ZNF32: variants seen among roughly 807,000 people sequenced by gnomAD.
The protein encoded by ZNF32 is zinc finger protein 32.
In ZNF32, 13 loss-of-function variants were observed where a neutral mutation model predicts 24.4. The ratio of observed to expected loss-of-function variants is 0.53; its 90% CI spans 0.35 to 0.85. ZNF32 has a LOEUF of 0.85. ZNF32 is among the 40% of genes least tolerant of loss of function. ZNF32 has a pLI of 0.01. For missense variants in ZNF32, 239 were observed against 325.3 expected (o/e 0.73, Z 2.04); for synonymous variants, 115 against 117.4 (o/e 0.98, Z 0.13).
chr10:43,644,922 A>G lies in ZNF32; in HGVS notation c.71-121T>C. The G allele has an allele frequency of 8.8e-7, 1 of 1,130,614 alleles. No homozygotes were observed. The highest frequency in any genetic ancestry group is 2.6e-5 in the East Asian group (1 of 39,144). 70.0% of individuals were successfully genotyped at this position (1,130,614 alleles called of 1,614,324 possible). On this transcript the variant is annotated intron_variant, in intron 2 of 2. Coordinates refer to ENST00000374433, the MANE Select transcript of ZNF32 (RefSeq NM_006973.3). This position sits in a 1 kb window ranked among gnomAD's most constrained non-coding sequence, Gnocchi z 5.3. ...CCAGGCCTTATTCTTTGCATAGACAATGCAATCCTGAAAACAATGCCATGA... is the reference window on the plus strand; with the variant it reads ...CCAGGCCTTATTCTTTGCATAGACAGTGCAATCCTGAAAACAATGCCATGA...
intron 2 of ZNF32, 40 bp downstream of exon 2, chr10:43,646,024 T>A (rs762898318): frequency 1.9e-6 from 3 of 1,612,966 alleles, no homozygotes; most frequent in Non-Finnish European, 2.5e-6. Context: ...ACTGAATATC[T>A]GTGAGCTGAG....
At position 43,644,418 on chromosome 10, in the gene ZNF32, C is replaced by T. The variant is rs186177471; in HGVS notation, c.454G>A (p.Glu152Lys). Residue 152 changes from glutamate (E) to lysine (K), a missense_variant, in exon 3 of 3, where the codon GAG becomes AAG. Glu to Lys is a moderately conservative substitution (Grantham distance 56). Coordinates refer to ENST00000374433, the MANE Select transcript of ZNF32 (RefSeq NM_006973.3). The surrounding 1 kb of genome is among the most constrained non-coding windows in gnomAD (Gnocchi z 5.3). ...GGTTTCTGTCCAGTGTGGAGTCTCT[C>T]GTGGACAGCGAGACTACCTCGTTGA... ...FSQRGSLAVH[E>K]RLHTGQKPYE... 78 of 1,614,026 alleles carry T rather than the reference C, an allele frequency of 4.8e-5. No individual in the cohort carries two copies. The highest frequency in any genetic ancestry group is 6.1e-5 in the Non-Finnish European group (72 of 1,179,908).
intron 1 of ZNF32, chr10:43,647,619 A>AG (rs1839350312): frequency 6.6e-6 from 1 of 152,224 alleles, no homozygotes; most frequent in Admixed American, 6.5e-5. Flanking sequence ...TGTGATGACC[A>AG]GGAGAATCAT....
In ZNF32 at chr10:43,644,951, T is replaced by A; in HGVS notation, c.71-150A>T. The A allele has an allele frequency of 1.1e-6, 1 of 921,620 alleles. No homozygotes were observed. The highest frequency in any genetic ancestry group is 1.8e-5 in the South Asian group (1 of 54,890). 57.1% of individuals were successfully genotyped at this position (921,620 alleles called of 1,614,324 possible). On this transcript the variant is annotated intron_variant, in intron 2 of 2. Transcript: ENST00000374433. The surrounding 1 kb of genome is among the most constrained non-coding windows in gnomAD (Gnocchi z 5.3). ...AATCCTGAAAACAATGCCATGAGAG[T>A]GATACAGATAATGGGAGCAAAGGGA...
In ZNF32 at chr10:43,643,932, C is replaced by T. The variant is rs931803485; in HGVS notation, c.*118G>A. On this transcript the variant is annotated 3_prime_UTR_variant, in exon 3 of 3. Transcript: ENST00000374433. ...AAAGGAAAAAAATCAGTTTGCCCTACCCAATGATGGTCTTTCTGAAAGATT... is the reference window on the plus strand; with the variant it reads ...AAAGGAAAAAAATCAGTTTGCCCTATCCAATGATGGTCTTTCTGAAAGATT... 4 of 1,164,208 alleles carry T rather than the reference C, an allele frequency of 3.4e-6. No homozygotes were observed. Among genetic ancestry groups the T allele is most frequent in the South Asian group, 1.7e-5 (1 of 59,092 alleles). The allele number at this position is 1,164,208 out of a possible 1,614,324, so 72.1% of individuals were successfully genotyped here.
chr10:43,646,065 G>A lies in ZNF32; in HGVS notation c.69C>T (p.Phe23=), dbSNP rs1839275991. ...CCAGCCATCAACTGACTCACTCACTGAAGAACGCTACATTCTGGGCATATC... is the reference window on the plus strand; with the variant it reads ...CCAGCCATCAACTGACTCACTCACTAAAGAACGCTACATTCTGGGCATATC... ...HGRYAQNVAF[F]NVMTEAHHKY... Residue 23 remains phenylalanine (F), a splice_region_variant and synonymous_variant, in exon 2 of 3, where the codon TTC becomes TTT. Coordinates refer to ENST00000374433, the MANE Select transcript of ZNF32 (RefSeq NM_006973.3). The A allele has an allele frequency of 3.1e-6, 5 of 1,614,096 alleles. No homozygotes were observed. Among genetic ancestry groups the A allele is most frequent in the Non-Finnish European group, 4.2e-6 (5 of 1,179,998 alleles).
In ZNF32 at chr10:43,646,185, T is replaced by C; in HGVS notation, c.-52A>G. On this transcript the variant is annotated 5_prime_UTR_variant, in exon 2 of 3. It removes an upstream start codon present in the reference 5' UTR. Coordinates refer to ENST00000374433, the MANE Select transcript of ZNF32 (RefSeq NM_006973.3). Reference sequence around the variant, plus strand: ...ACCACCTCTTCATATGATTCTTCCATGGGCTGTTCCTGAGCACCTGAGGGA... The same window carrying C: ...ACCACCTCTTCATATGATTCTTCCACGGGCTGTTCCTGAGCACCTGAGGGA... The C allele has an allele frequency of 6.2e-7, 1 of 1,606,548 alleles. No individual in the cohort carries two copies. The highest frequency in any genetic ancestry group is 1.1e-5 in the South Asian group (1 of 90,280).
chr10:43,645,575 TC>T (rs1839259709), intron 2 of ZNF32, among the ~76,000 whole-genome samples: 1 of 152,250 alleles, frequency 6.6e-6, no homozygotes, highest in South Asian at 2.1e-4. Flanking sequence ...AAGGAATTTT[TC>T]CCATTAAAAT....
At chr10:43,648,292 C>A (rs1839388596) in intron 1 of ZNF32, among the ~76,000 whole-genome samples, 1 of 152,210 alleles carries the variant, frequency 6.6e-6, no homozygotes, top group South Asian at 2.1e-4. Flanking sequence ...GTACACTTGG[C>A]GGTCTGGAAA....
In ZNF32 at chr10:43,644,047, T is replaced by C. The variant is rs368553994; in HGVS notation, c.*3A>G. On this transcript the variant is annotated 3_prime_UTR_variant, in exon 3 of 3. Transcript: ENST00000374433. This position sits in a 1 kb window ranked among gnomAD's most constrained non-coding sequence, Gnocchi z 5.3. Reference sequence around the variant, plus strand: ...TAAAGAGAACTTCTCTTCAGGAAAGTGGTCAAAGGGTGAGCCTCTGTGAGC... The same window carrying C: ...TAAAGAGAACTTCTCTTCAGGAAAGCGGTCAAAGGGTGAGCCTCTGTGAGC... The C allele has an allele frequency of 1.9e-6, 3 of 1,601,954 alleles. No individual in the cohort carries two copies. The highest frequency in any genetic ancestry group is 1.7e-6 in the Non-Finnish European group (2 of 1,175,074).
chr10:43,643,994 T>C lies in ZNF32; in HGVS notation c.*56A>G. On this transcript the variant is annotated 3_prime_UTR_variant, in exon 3 of 3. Transcript: ENST00000374433. Reference sequence around the variant, plus strand: ...CCATAGAACTGGATAGGTTGCTTCATCTCAGAGGATTTTGTACTCTTAATT... The same window carrying C: ...CCATAGAACTGGATAGGTTGCTTCACCTCAGAGGATTTTGTACTCTTAATT... The C allele has an allele frequency of 6.5e-7, 1 of 1,528,706 alleles. No homozygotes were observed. The highest frequency in any genetic ancestry group is 1.3e-5 in the South Asian group (1 of 76,158). The allele number at this position is 1,528,706 out of a possible 1,614,324, so 94.7% of individuals were successfully genotyped here.
chr10:43,645,681 G>A (rs138626616), intron 2 of ZNF32, among the ~76,000 whole-genome samples: 8 of 150,444 alleles, frequency 5.3e-5, no homozygotes, highest in African/African-American at 1.7e-4. Context: ...TTTTTTTTCC[G>A]AATACTGCCC....
At chr10:43,646,239 G>A in intron 1 of ZNF32, 37 bp from the exon 2 acceptor site, 2 of 1,281,410 alleles carry the variant, frequency 1.6e-6, no homozygotes, top group East Asian at 2.5e-5. Flanking sequence ...AACAGGAAAG[G>A]GCAGAATAAT....
chr10:43,644,670 C>T lies in ZNF32; in HGVS notation c.202G>A (p.Asp68Asn). Residue 68 changes from aspartate (D) to asparagine (N), a missense_variant, in exon 3 of 3, where the codon GAT becomes AAT. Physicochemically the swap from Asp to Asn is conservative, Grantham distance 23. Transcript: ENST00000374433. The surrounding 1 kb of genome is among the most constrained non-coding windows in gnomAD (Gnocchi z 5.3). ...KSPDSKTLQE[D>N]SPGVRQRVYE... ...ACCCTTTGTCTCACTCCAGGTGAAT[C>T]TTCCTGTAGTGTCTTCGAATCTGGG... 2 of 1,614,178 alleles carry T rather than the reference C, an allele frequency of 1.2e-6. No individual in the cohort carries two copies. The highest frequency in any genetic ancestry group is 2.2e-5 in the South Asian group (2 of 91,074).
intron 1 of ZNF32, chr10:43,646,976 T>C (rs1365301147): frequency 6.6e-6 from 1 of 152,234 alleles, no homozygotes; most frequent in Non-Finnish European, 1.5e-5. Context: ...AGAATGCTTA[T>C]AAAATTGAAC....
chr10:43,646,798 G>C (rs976919008), intron 1 of ZNF32, among the ~76,000 whole-genome samples: 3 of 152,124 alleles, frequency 2.0e-5, no homozygotes, highest in South Asian at 2.1e-4. Flanking sequence ...GACCTACTCT[G>C]GACTCCAAGC....
intron 1 of ZNF32, among the ~76,000 whole-genome samples, chr10:43,646,700 A>T (rs1839305221): frequency 6.6e-6 from 1 of 152,210 alleles, no homozygotes; most frequent in African/African-American, 2.4e-5. Flanking sequence ...GAGGCTCCAG[A>T]CCCAGACTCG....
chr10:43,645,130 A>G (rs903548629), intron 2 of ZNF32: 9 of 194,266 alleles, frequency 4.6e-5, no homozygotes, highest in African/African-American at 2.1e-4. Flanking sequence ...AAACAGGCTC[A>G]GAAAATTTAG....
At chr10:43,646,237 A>G (rs1839281885) in intron 1 of ZNF32, 35 bp from the exon 2 acceptor site, 2 of 1,292,466 alleles carry the variant, frequency 1.5e-6, no homozygotes, top group East Asian at 2.5e-5. Context: ...CAAACAGGAA[A>G]GGGCAGAATA....
Sources: gnomAD v4.1 joint callset for allele counts (sites outside exome capture counted in the v4.1 genomes callset) on GRCh38, gnomAD v4.1.1 for gene constraint, Gnocchi (gnomAD v3.1) non-coding constraint, MANE v1.5 for transcripts, NCBI Gene and HGNC (gene_info 2026-07-23, HGNC 2026-07-21) for gene names.